The following TOX variants were observed in gnomAD, a reference collection of about 807,000 sequenced individuals.
TOX encodes the protein thymocyte selection associated high mobility group box, also known as thymocyte selection-associated high mobility group box protein TOX.
Under a neutral mutation model 53.7 loss-of-function variants are expected in TOX, and 11 were observed. That is an observed-to-expected ratio of 0.20 (90% CI 0.13 to 0.34). The LOEUF (loss-of-function observed/expected upper bound fraction) is 0.34, where lower values mean the gene tolerates loss of function less well. Among genes scored for constraint, TOX ranks in the 10% least tolerant of loss-of-function variants. TOX has a pLI of 1.00. For missense variants in TOX, 570 were observed against 664.6 expected (o/e 0.86, Z 1.56); for synonymous variants, 225 against 245.3 (o/e 0.92, Z 0.77).
At chr8:58,941,428 CT>C (rs948553213) in intron 2 of TOX, among the ~76,000 whole-genome samples, 3 of 152,138 alleles carry the variant, frequency 2.0e-5, no homozygotes, top group Non-Finnish European at 4.4e-5. Flanking sequence ...GTTCACTCAG[CT>C]TGGAAAAGAT....
intron 3 of TOX, among the ~76,000 whole-genome samples, chr8:58,875,013 C>T (rs757988565): frequency 2.6e-5 from 4 of 152,170 alleles, no homozygotes; most frequent in African/African-American, 7.2e-5. Context: ...TGGACAAGCT[C>T]GATCTAAACA....
chr8:59,099,742 A>G (rs1804772554), intron 1 of TOX, among the ~76,000 whole-genome samples: 1 of 152,228 alleles, frequency 6.6e-6, no homozygotes, highest in Admixed American at 6.5e-5. Context: ...AGTTTATAAG[A>G]GATGGCCAAA....
chr8:58,895,517 A>G (rs548984380), intron 3 of TOX, among the ~76,000 whole-genome samples: 1 of 152,342 alleles, frequency 6.6e-6, no homozygotes, highest in Non-Finnish European at 1.5e-5. Context: ...TCTAAGTTCT[A>G]TAGTATGCTA....
chr8:58,837,520 C>T (rs1250776033), intron 5 of TOX, among the ~76,000 whole-genome samples: 2 of 152,124 alleles, frequency 1.3e-5, no homozygotes, highest in African/African-American at 4.8e-5. Flanking sequence ...CTCAGTCACA[C>T]CAGGGCAATA....
At chr8:58,920,721 T>TAAAAAAAA (rs5891703) in intron 3 of TOX, among the ~76,000 whole-genome samples, 3 of 81,054 alleles carry the variant, frequency 3.7e-5, no homozygotes, top group Admixed American at 1.6e-4. Context: ...AAAAAAACAT[T>TAAAAAAAA]AAAAAAAAAA....
chr8:59,047,973 T>C (rs1803719972), intron 1 of TOX, among the ~76,000 whole-genome samples: 1 of 152,218 alleles, frequency 6.6e-6, no homozygotes, highest in Non-Finnish European at 1.5e-5. Flanking sequence ...TAGAAACATA[T>C]TCAATAGTGT....
At chr8:59,034,315 C>T (rs1814415008) in intron 1 of TOX, among the ~76,000 whole-genome samples, 2 of 152,244 alleles carry the variant, frequency 1.3e-5, no homozygotes, top group Non-Finnish European at 2.9e-5. Context: ...ATAATTACTA[C>T]ACAAACTGCT....
At chr8:59,083,491 A>C (rs1331926568) in intron 1 of TOX, among the ~76,000 whole-genome samples, 2 of 152,202 alleles carry the variant, frequency 1.3e-5, no homozygotes, top group Admixed American at 1.3e-4. Flanking sequence ...TTTAAAATCA[A>C]CACCACAAGG....
At chr8:58,945,746 T>C (rs528085118) in intron 2 of TOX, among the ~76,000 whole-genome samples, 1 of 152,332 alleles carries the variant, frequency 6.6e-6, no homozygotes, top group Non-Finnish European at 1.5e-5. Flanking sequence ...AGAGAATTCA[T>C]GTTTTCATAC....
intron 1 of TOX, among the ~76,000 whole-genome samples, chr8:59,108,515 C>G (rs923357139): frequency 6.6e-6 from 1 of 152,104 alleles, no homozygotes; most frequent in Non-Finnish European, 1.5e-5. Context: ...GACAAATGTA[C>G]CATTGTACAT....
At chr8:58,959,155 T>C (rs1812758074) in intron 2 of TOX, among the ~76,000 whole-genome samples, 1 of 152,250 alleles carries the variant, frequency 6.6e-6, no homozygotes, top group South Asian at 2.1e-4. Context: ...TGTTCCTTGC[T>C]TTCACTTATT....
At chr8:58,846,959 A>C (rs1480813207) in intron 4 of TOX, among the ~76,000 whole-genome samples, 2 of 152,098 alleles carry the variant, frequency 1.3e-5, no homozygotes, top group Non-Finnish European at 1.5e-5. Flanking sequence ...GTGGAACAAA[A>C]TCTCTTGTGT....
chr8:59,077,880 C>G (rs1169754620), intron 1 of TOX, among the ~76,000 whole-genome samples: 1 of 152,102 alleles, frequency 6.6e-6, no homozygotes, highest in Non-Finnish European at 1.5e-5. Context: ...ATCCTTTTTG[C>G]CCCTTAATCA....
intron 3 of TOX, among the ~76,000 whole-genome samples, chr8:58,921,416 A>T (rs1284976995): frequency 1.3e-5 from 2 of 152,240 alleles, no homozygotes; most frequent in African/African-American, 4.8e-5. Context: ...GATCTATATG[A>T]CAATTTGCCA....
chr8:59,082,854 G>A (rs1381515585), intron 1 of TOX, among the ~76,000 whole-genome samples: 2 of 152,194 alleles, frequency 1.3e-5, no homozygotes, highest in Non-Finnish European at 2.9e-5. Flanking sequence ...CACACAGGAA[G>A]CTATGTCCCT....
chr8:59,043,201 C>CTGTGTGTGTGTGTGTG (rs10660376), intron 1 of TOX, among the ~76,000 whole-genome samples: 85 of 147,994 alleles, frequency 5.7e-4, no homozygotes, highest in African/African-American at 2.0e-3. Flanking sequence ...ACTTTCTTTT[C>CTGTGTGTGTGTGTGTG]TGTGTGTGTG....
intron 1 of TOX, among the ~76,000 whole-genome samples, chr8:58,975,245 T>TAC (rs34016906): frequency 1.3e-3 from 177 of 140,158 alleles, no homozygotes; most frequent in African/African-American, 4.8e-3. Context: ...GATATATATA[T>TAC]ACACACACAC....
At chr8:58,965,894 GTTTTTTTTTTTTTTTTT>G (rs67045037) in intron 1 of TOX, among the ~76,000 whole-genome samples, 5 of 49,630 alleles carry the variant, frequency 1.0e-4, no homozygotes, top group South Asian at 8.4e-4. Context: ...ACGAGTCATC[GTTTTTTTTTTTTTTTTT>G]TTTTTTTTTT....
intron 3 of TOX, among the ~76,000 whole-genome samples, chr8:58,856,700 G>C (rs146189196): frequency 1.2e-3 from 181 of 151,620 alleles, no homozygotes; most frequent in African/African-American, 4.2e-3. Flanking sequence ...GAATCCTCGT[G>C]TGGTGCTTCC....
Sources: allele counts gnomAD v4.1 joint callset (sites outside exome capture counted in the v4.1 genomes callset), GRCh38; gene constraint gnomAD v4.1.1; transcripts MANE v1.5; gene names NCBI Gene and HGNC (gene_info 2026-07-23, HGNC 2026-07-21).